The following DDB2 variants were observed in gnomAD, a reference collection of about 807,000 sequenced individuals.
DDB2 encodes damage specific DNA binding protein 2, also known as DNA damage-binding protein 2.
A neutral mutation model predicts 50.5 loss-of-function variants in DDB2; 27 were observed. The ratio of observed to expected loss-of-function variants is 0.53; its 90% confidence interval spans 0.39 to 0.74. The LOEUF is 0.74. DDB2 is among the 30% of genes least tolerant of loss of function. The probability of loss-of-function intolerance (pLI) is 0.00; values close to 1 mark genes in which losing one functional copy is unlikely to be tolerated. For missense variants in DDB2, 424 were observed against 545.6 expected, an observed-to-expected ratio of 0.78 and a Z score of 2.22; for synonymous variants, 176 against 205.5, an observed-to-expected ratio of 0.86 and a Z score of 1.23.
Position 47,234,634 on chromosome 11 carries a change from G to A in DDB2, c.664G>A (p.Val222Met), listed in dbSNP as rs764805641. The change falls in exon 5 of 10, where the codon GTG becomes ATG. Residue 222 changes from valine to methionine, a missense_variant. Transcript: ENST00000256996. ...SSRMVVTGDNVGNVILLNMDG... is the reference protein window; with the variant it reads ...SSRMVVTGDNMGNVILLNMDG... ...CCGAATGGTGGTCACAGGAGACAAC[G>A]TGGGGAACGTGATCCTGCTGAACAT... 2 of 1,614,158 alleles carry A rather than the reference G, an allele frequency of 1.2e-6. No homozygotes were observed. Among genetic ancestry groups the A allele is most frequent in the Non-Finnish European group, 1.7e-6 (2 of 1,180,030 alleles).
At chr11:47,226,011 T>C (rs541233757) in intron 3 of DDB2, among the ~76,000 whole-genome samples, 25 of 152,332 alleles carry the variant, frequency 1.6e-4, no homozygotes, top group African/African-American at 4.8e-4. Flanking sequence ...TGTTTATTAA[T>C]TGACAGACAC....
In DDB2 at chr11:47,214,983, A is replaced by C; in HGVS notation, c.-154A>C. The C allele has an allele frequency of 8.7e-7, 1 of 1,149,710 alleles. No homozygotes were observed. The highest frequency in any genetic ancestry group is 1.3e-6 in the Non-Finnish European group (1 of 777,452). The allele number at this position is 1,149,710 out of a possible 1,614,324, so 71.2% of individuals were successfully genotyped here. A position where few individuals can be genotyped will look rare whatever the true frequency, so the allele number is the denominator to read the frequency against. ...GCCGGAGCTCCAAGCTGGTTTGAAC[A>C]AGCCCTGGGCATGTTTGGCGGGAAG... On this transcript the variant is annotated 5_prime_UTR_variant, in exon 1 of 10. Transcript: ENST00000256996.
chr11:47,215,873 A>G (rs780299180), intron 1 of DDB2: 4 of 289,774 alleles, frequency 1.4e-5, no homozygotes, highest in African/African-American at 2.2e-5. Context: ...TTACCTCCCC[A>G]GAAGTAACCT....
At chr11:47,233,453 C>G (rs1953677058) in intron 4 of DDB2, 1 of 211,806 alleles carries the variant, frequency 4.7e-6, no homozygotes, top group Non-Finnish European at 9.7e-6. Flanking sequence ...TGCTTGAAAT[C>G]CCAGCACTTT....
chr11:47,228,773 A>G (rs556477564), intron 3 of DDB2, among the ~76,000 whole-genome samples: 88 of 152,096 alleles, frequency 5.8e-4, no homozygotes, highest in South Asian at 2.3e-3. Flanking sequence ...CCTGGCCAAC[A>G]TGATGAAACT....
intron 3 of DDB2, among the ~76,000 whole-genome samples, chr11:47,223,881 G>A (rs1953521879): frequency 6.6e-6 from 1 of 152,136 alleles, no homozygotes; most frequent in African/African-American, 2.4e-5. Flanking sequence ...GAGGCTGGGG[G>A]ACCTCTTGAG....
At position 47,216,466 on chromosome 11, in the gene DDB2, C is replaced by A. The variant is rs904410426; in HGVS notation, c.258C>A (p.Val86=). 1 of 1,613,128 alleles carries A rather than the reference C, an allele frequency of 6.2e-7. No homozygotes were observed. ...HKLGRASWPS[V]QQGLQQSFLH... ...TGGGCAGAGCTTCCTGGCCATCTGT[C>A]CAGCAGGTAAGGCATTTTTTGCCTC... is the stretch of plus-strand genomic sequence containing the variant. Residue 86 remains valine, a synonymous_variant, in exon 2 of 10, where the codon GTC becomes GTA. Coordinates refer to ENST00000256996, the MANE Select transcript of DDB2 (RefSeq NM_000107.3).
chr11:47,235,354 G>A lies in DDB2; in HGVS notation c.965G>A (p.Cys322Tyr), dbSNP rs1237996732. 3.1e-6 allele frequency: 5 copies of A among 1,613,664 alleles called. No individual in the cohort carries two copies. Among genetic ancestry groups the A allele is most frequent in the African/African-American group, 1.3e-5 (1 of 74,924 alleles). ...GTTTACTCTGCTTCCCAGTGGGACT[G>A]CCCCCTGGGCCTGATCCCGCACCCT... Reference protein sequence around the residue: ...IRVYSASQWDCPLGLIPHPHR... With the variant: ...IRVYSASQWDYPLGLIPHPHR... The change falls in exon 7 of 10, where the codon TGC (cysteine) becomes TAC (tyrosine). Residue 322 changes from cysteine to tyrosine, a missense_variant. By Grantham distance (194) the Cys-to-Tyr change is radical. Coordinates refer to ENST00000256996, the MANE Select transcript of DDB2 (RefSeq NM_000107.3).
chr11:47,216,045 T>C (rs1953396017), intron 1 of DDB2: 1 of 503,488 alleles, frequency 2.0e-6, no homozygotes, highest in Non-Finnish European at 3.6e-6. Context: ...AGTTCTGCAT[T>C]GTACTTTATC....
chr11:47,217,183 C>G (rs1953412028), intron 3 of DDB2, 134 bp downstream of exon 3: 1 of 731,752 alleles, frequency 1.4e-6, no homozygotes, highest in East Asian at 2.9e-5. Context: ...TGAGACCAGC[C>G]TGGCCAACAT....
chr11:47,224,308 A>G (rs991758768), intron 3 of DDB2, among the ~76,000 whole-genome samples: 8 of 151,674 alleles, frequency 5.3e-5, no homozygotes, highest in African/African-American at 1.9e-4. Flanking sequence ...GCTCACTGCA[A>G]CCTCCACCTC....
At chr11:47,224,025 CA>C (rs548819460) in intron 3 of DDB2, among the ~76,000 whole-genome samples, 2 of 151,590 alleles carry the variant, frequency 1.3e-5, no homozygotes, top group Non-Finnish European at 2.9e-5. Context: ...TGCTTAAGCC[CA>C]GGGGGACAAG....
At chr11:47,229,788 T>G (rs1953616884) in intron 3 of DDB2, 1 of 422,346 alleles carries the variant, frequency 2.4e-6, no homozygotes, top group African/African-American at 2.1e-5. Flanking sequence ...TTTATAAGTA[T>G]CTCACCCTAT....
intron 7 of DDB2, among the ~76,000 whole-genome samples, chr11:47,236,295 A>C (rs1044021797): frequency 6.6e-6 from 1 of 151,942 alleles, no homozygotes; most frequent in Admixed American, 6.6e-5. Flanking sequence ...TAAGTCTTTT[A>C]TTTTCCCACC....
chr11:47,232,751 C>T (rs907237131), intron 3 of DDB2, 63 bp from the exon 4 acceptor site: 15 of 1,587,592 alleles, frequency 9.4e-6, no homozygotes, highest in East Asian at 4.5e-5. Context: ...CATGTGTGCC[C>T]AGGCCTGGTT....
intron 3 of DDB2, among the ~76,000 whole-genome samples, chr11:47,230,766 G>A (rs1953635368): frequency 6.6e-6 from 1 of 152,134 alleles, no homozygotes; most frequent in South Asian, 2.1e-4. Context: ...AAGAAGAAGT[G>A]GAAAAGGTGG....
At chr11:47,238,213 C>A (rs756739840) in intron 9 of DDB2, 30 bp downstream of exon 9, 27 of 1,587,260 alleles carry the variant, frequency 1.7e-5, no homozygotes, top group Non-Finnish European at 2.3e-5. Context: ...CTCTGACTTG[C>A]CAAGTCCGAT....
Position 47,238,948 on chromosome 11 carries a change from T to C in DDB2, c.*99T>C, listed in dbSNP as rs1234850971. ...TGGCGATTTGTTAAAGGGCCAAAAG[T>C]ATCCAAGGTTAGGGTTGGAGCAGGG... On this transcript the variant is annotated 3_prime_UTR_variant, in exon 10 of 10. Coordinates refer to ENST00000256996, the MANE Select transcript of DDB2 (RefSeq NM_000107.3). 7.7e-7 allele frequency: 1 copy of C among 1,303,622 alleles called. No homozygotes were observed. The highest frequency in any genetic ancestry group is 1.1e-6 in the Non-Finnish European group (1 of 918,812). The allele number at this position is 1,303,622 out of a possible 1,614,324, so 80.8% of individuals were successfully genotyped here.
chr11:47,218,894 T>A (rs1002080662), intron 3 of DDB2, among the ~76,000 whole-genome samples: 4 of 152,004 alleles, frequency 2.6e-5, no homozygotes, highest in Non-Finnish European at 4.4e-5. Flanking sequence ...TCTTGAGTTT[T>A]AAAAAAAATT....
Sources: allele counts gnomAD v4.1 joint callset (sites outside exome capture counted in the v4.1 genomes callset), GRCh38; gene constraint gnomAD v4.1.1; transcripts MANE v1.5; gene names NCBI Gene and HGNC (gene_info 2026-07-23, HGNC 2026-07-21).